Variants in MYLK observed in about 807,000 individuals in gnomAD.
MYLK encodes myosin light chain kinase, smooth muscle.
In MYLK, 106 loss-of-function variants were observed where a neutral mutation model predicts 203.4. That is an observed-to-expected ratio of 0.52 (90% CI 0.45 to 0.61). The LOEUF (loss-of-function observed/expected upper bound fraction) is 0.61, where lower values mean the gene tolerates loss of function less well. Among genes scored for constraint, MYLK ranks in the 20% least tolerant of loss-of-function variants. The pLI is 0.00. For synonymous variants in MYLK, 867 were observed against 959.5 expected, an observed-to-expected ratio of 0.90 and a Z score of 1.78; for missense variants, 2,072 against 2,442.3, an observed-to-expected ratio of 0.85 and a Z score of 3.20.
At chr3:123,863,801 A>G (rs9681539) in intron 2 of MYLK, among the ~76,000 whole-genome samples, 16,799 of 152,228 alleles carry the variant, frequency 0.11, 2,131 homozygotes, top group East Asian at 0.46. Flanking sequence ...AGTTTCTTAC[A>G]AAACTAAACA....
intron 3 of MYLK, among the ~76,000 whole-genome samples, chr3:123,810,189 A>G (rs1024674766): frequency 4.6e-5 from 7 of 152,186 alleles, no homozygotes; most frequent in Non-Finnish European, 1.0e-4. Context: ...ACCTCCTCCC[A>G]ATACAATGAC....
chr3:123,649,722 A>G (rs2059145402), intron 24 of MYLK, among the ~76,000 whole-genome samples: 1 of 152,214 alleles, frequency 6.6e-6, no homozygotes, highest in Admixed American at 6.5e-5. Flanking sequence ...ATAGCTTATA[A>G]TTTAGTTCAA....
At chr3:123,730,698 G>C (rs2108776667) in intron 11 of MYLK, among the ~76,000 whole-genome samples, 1 of 152,318 alleles carries the variant, frequency 6.6e-6, no homozygotes, top group East Asian at 1.9e-4. Flanking sequence ...CAAATGTTCA[G>C]AAGAGGAAAA....
intron 3 of MYLK, among the ~76,000 whole-genome samples, chr3:123,828,426 C>T (rs1050593014): frequency 1.3e-5 from 2 of 151,994 alleles, no homozygotes; most frequent in African/African-American, 2.4e-5. Flanking sequence ...ACTAGACCCC[C>T]CACCGCTCAT....
chr3:123,674,766 C>T (rs897206148), intron 20 of MYLK, among the ~76,000 whole-genome samples: 4 of 152,216 alleles, frequency 2.6e-5, no homozygotes, highest in Non-Finnish European at 5.9e-5. Flanking sequence ...CATGCTGGGC[C>T]CTCTTCTCTT....
chr3:123,868,730 G>C (rs2032523077), intron 2 of MYLK, among the ~76,000 whole-genome samples: 1 of 152,140 alleles, frequency 6.6e-6, no homozygotes, highest in Non-Finnish European at 1.5e-5. Flanking sequence ...AATATCATAA[G>C]ATTGACAAAG....
rs990416291 is a variant in MYLK, at chr3:123,611,934, A to G, written c.*2171T>C. ...CAGAGCTCAGGCGGTAATGCGAGCA[A>G]TGGGGATCGGCTGTAAATATAGATG... On this transcript the variant is annotated 3_prime_UTR_variant, in exon 34 of 34. Coordinates refer to ENST00000360304, the MANE Select transcript of MYLK (RefSeq NM_053025.4). The G allele has an allele frequency of 8.5e-5, 13 of 152,448 alleles. No individual in the cohort carries two copies. Among genetic ancestry groups the G allele is most frequent in the African/African-American group, 2.7e-4 (11 of 41,446 alleles). 9.4% of individuals were successfully genotyped at this position (152,448 alleles called of 1,614,324 possible).
At chr3:123,709,930 A>G (rs1419356011) in intron 13 of MYLK, 37 bp from the exon 14 acceptor site, 2 of 1,612,468 alleles carry the variant, frequency 1.2e-6, no homozygotes, top group Non-Finnish European at 1.7e-6. Flanking sequence ...GTGAACATTC[A>G]TGCATTCATT....
At chr3:123,805,492 G>GT (rs143643708) in intron 3 of MYLK, among the ~76,000 whole-genome samples, 3 of 152,024 alleles carry the variant, frequency 2.0e-5, no homozygotes, top group South Asian at 2.1e-4. Context: ...AAAATCTAGG[G>GT]TTTTTTTCCC....
chr3:123,718,873 G>A (rs1327845786), intron 13 of MYLK, among the ~76,000 whole-genome samples: 5 of 152,216 alleles, frequency 3.3e-5, no homozygotes, highest in East Asian at 1.9e-4. Flanking sequence ...GTCTACTGCA[G>A]TTTCCCCAGA....
chr3:123,771,708 T>A (rs2063889470), intron 4 of MYLK, among the ~76,000 whole-genome samples: 1 of 152,208 alleles, frequency 6.6e-6, no homozygotes, highest in Non-Finnish European at 1.5e-5. Flanking sequence ...TGAAAATGCA[T>A]TTAACATAGT....
intron 24 of MYLK, among the ~76,000 whole-genome samples, chr3:123,650,554 A>G (rs1438570842): frequency 1.3e-5 from 2 of 152,166 alleles, no homozygotes; most frequent in Non-Finnish European, 2.9e-5. Flanking sequence ...AAAGACTAAA[A>G]CTAAACATGA....
intron 27 of MYLK, among the ~76,000 whole-genome samples, chr3:123,641,972 A>G (rs1390334367): frequency 2.0e-5 from 3 of 151,866 alleles, no homozygotes; most frequent in South Asian, 4.2e-4. Context: ...CTCTTGCCTC[A>G]GCCTCCCAAG....
At position 123,700,729 on chromosome 3, in the gene MYLK, G is replaced by A. The variant is rs530064548; in HGVS notation, c.2739C>T (p.Asp913=). 1.4e-5 allele frequency: 23 copies of A among 1,614,122 alleles called. No individual in the cohort carries two copies. Among genetic ancestry groups the A allele is most frequent in the East Asian group, 2.2e-5 (1 of 44,870 alleles). ...GCTCGGCTGGGATCTCCTTCAGGTC[G>A]TCTTCCGATAGGGTCTTTGTACTCA... is the stretch of plus-strand genomic sequence containing the variant. ...KKVSTKTLSE[D]DLKEIPAEQM... The change falls in exon 18 of 34, where the codon GAC becomes GAT. Residue 913 remains aspartate, a synonymous_variant. Coordinates refer to ENST00000360304, the MANE Select transcript of MYLK (RefSeq NM_053025.4).
chr3:123,798,411 T>C (rs1039244972), intron 3 of MYLK, among the ~76,000 whole-genome samples: 1 of 152,110 alleles, frequency 6.6e-6, no homozygotes, highest in Non-Finnish European at 1.5e-5. Context: ...CTGTCAGGCC[T>C]GGCTTTGAAG....
chr3:123,726,219 T>G, intron 11 of MYLK, 141 bp from the exon 12 acceptor site: 1 of 1,083,934 alleles, frequency 9.2e-7, no homozygotes, highest in Non-Finnish European at 1.4e-6. Flanking sequence ...CTTCTCTCTC[T>G]TCATGCTTAA....
At position 123,613,619 on chromosome 3, in the gene MYLK, C is replaced by G. The variant is rs1439912883; in HGVS notation, c.*486G>C. The G allele has an allele frequency of 5.2e-6, 1 of 193,202 alleles. No homozygotes were observed. The highest frequency in any genetic ancestry group is 1.1e-5 in the Non-Finnish European group (1 of 93,088). The allele number at this position is 193,202 out of a possible 1,614,324, so 12.0% of individuals were successfully genotyped here. On this transcript the variant is annotated 3_prime_UTR_variant, in exon 34 of 34. Coordinates refer to ENST00000360304, the MANE Select transcript of MYLK (RefSeq NM_053025.4). ...CAGTGTACTTTGGAATAAAGTGGCT[C>G]AACTGCTTTCAGAAATGAATTGCTG...
At chr3:123,704,821 G>A (rs1050897887) in intron 16 of MYLK, among the ~76,000 whole-genome samples, 3 of 152,068 alleles carry the variant, frequency 2.0e-5, no homozygotes, top group Admixed American at 6.5e-5. Flanking sequence ...TCAGGAGGCT[G>A]AGGCAGGAGA....
chr3:123,820,664 C>CCCTCCT, intron 3 of MYLK, among the ~76,000 whole-genome samples: 1 of 72,366 alleles, frequency 1.4e-5, no homozygotes, highest in East Asian at 4.2e-4. Flanking sequence ...CCTTCCTTCC[C>CCCTCCT]TCCTTCCTTC....
Sources: gnomAD v4.1 joint callset for allele counts (sites outside exome capture counted in the v4.1 genomes callset) on GRCh38, gnomAD v4.1.1 for gene constraint, MANE v1.5 for transcripts, NCBI Gene and HGNC (gene_info 2026-07-23, HGNC 2026-07-21) for gene names.